The following TUBA3D variants were observed in gnomAD, a reference collection of about 807,000 sequenced individuals.
TUBA3D encodes tubulin alpha 3d.
In TUBA3D, 24 loss-of-function variants were observed where a neutral mutation model predicts 36.1. That is an observed-to-expected ratio of 0.66 (90% CI 0.48 to 0.93). The LOEUF is 0.93. TUBA3D is among the 40% of genes least tolerant of loss of function. The pLI is 0.00. For synonymous variants in TUBA3D, 185 were observed against 247.2 expected (o/e 0.75, Z 2.36); for missense variants, 356 against 614.5 (o/e 0.58, Z 4.45).
At position 131,480,494 on chromosome 2, in the gene TUBA3D, C is replaced by G; in HGVS notation, c.801C>G (p.Phe267Leu). The part of the protein sequence containing the change: ...TNLVPYPRIH[F>L]PLATYAPVIS... ...TAGTGCCGTACCCCCGCATCCACTT[C>G]CCCCTGGCCACCTATGCCCCAGTCA... The change falls in exon 4 of 5, where the codon TTC becomes TTG. Residue 267 changes from phenylalanine (F) to leucine (L), a missense_variant. Phe to Leu is a conservative substitution (Grantham distance 22). This residue lies in a region of TUBA3D where 91 missense variants were observed against 240.9 expected (regional missense o/e 0.38). Coordinates refer to ENST00000321253, the MANE Select transcript of TUBA3D (RefSeq NM_080386.4). 1 of 1,590,766 alleles carries G rather than the reference C, an allele frequency of 6.3e-7. No individual in the cohort carries two copies.
chr2:131,478,621 G>A, intron 2 of TUBA3D: 2 of 712,408 alleles, frequency 2.8e-6, no homozygotes, highest in Non-Finnish European at 4.5e-6. Context: ...GCAGTAAGAT[G>A]GGCTGTGAAG....
chr2:131,477,709 G>C (rs1332915796), intron 1 of TUBA3D, among the ~76,000 whole-genome samples: 1 of 151,146 alleles, frequency 6.6e-6, no homozygotes, highest in African/African-American at 2.5e-5. Context: ...GGGTAGAACT[G>C]GGGGGTAGAG....
chr2:131,479,775 G>A (rs1230696823), intron 3 of TUBA3D, among the ~76,000 whole-genome samples: 1 of 152,108 alleles, frequency 6.6e-6, no homozygotes, highest in Non-Finnish European at 1.5e-5. Context: ...GGAAGGCGGA[G>A]GTTGCAATGA....
At position 131,480,492 on chromosome 2, in the gene TUBA3D, T is replaced by A. The variant is rs140040647; in HGVS notation, c.799T>A (p.Phe267Ile). The A allele has an allele frequency of 1.4e-4, 226 of 1,590,176 alleles. 9 individuals carry two copies. Among genetic ancestry groups the A allele is most frequent in the Non-Finnish European group, 1.4e-4 (169 of 1,172,292 alleles). The change falls in exon 4 of 5, where the codon TTC becomes ATC. Residue 267 changes from phenylalanine (F) to isoleucine (I), a missense_variant. Phe to Ile is a conservative substitution (Grantham distance 21). Coordinates refer to ENST00000321253, the MANE Select transcript of TUBA3D (RefSeq NM_080386.4). ...TNLVPYPRIH[F>I]PLATYAPVIS... ...CCTAGTGCCGTACCCCCGCATCCAC[T>A]TCCCCCTGGCCACCTATGCCCCAGT...
rs756947732 is a variant in TUBA3D at position 131,480,665 on chromosome 2, C to T, written c.972C>T (p.Val324=). Residue 324 remains valine, a synonymous_variant, in exon 4 of 5, where the codon GTC becomes GTT. Transcript: ENST00000321253. ...ACCMLYRGDV[V]PKDVNAAIAT... is the part of the protein sequence containing the mutation. The stretch of plus-strand genomic sequence containing the variant: ...GCATGTTGTACAGGGGGGACGTGGT[C>T]CCCAAAGACGTCAACGCGGCCATCG... 4 of 1,613,846 alleles carry T rather than the reference C, an allele frequency of 2.5e-6. No individual in the cohort carries two copies. In the Admixed American group the frequency reaches 6.7e-5, roughly 27 times the overall value.
chr2:131,477,977 T>G (rs1165005129), intron 1 of TUBA3D, among the ~76,000 whole-genome samples, 187 bp from the exon 2 acceptor site: 1 of 152,192 alleles, frequency 6.6e-6, no homozygotes, highest in Non-Finnish European at 1.5e-5. Context: ...TACTAGCTAG[T>G]ATGGTTTACA....
intron 1 of TUBA3D, among the ~76,000 whole-genome samples, chr2:131,477,708 T>TG (rs918217815): frequency 6.6e-6 from 1 of 150,962 alleles, no homozygotes; most frequent in Admixed American, 6.6e-5. Flanking sequence ...GGGGTAGAAC[T>TG]GGGGGGTAGA....
intron 4 of TUBA3D, 141 bp from the exon 5 acceptor site, chr2:131,482,411 A>G: frequency 7.5e-7 from 1 of 1,333,746 alleles, no homozygotes; most frequent in Non-Finnish European, 1.0e-6. Context: ...CCTGGTGCAG[A>G]GAAGGGCTTA....
Position 131,480,160 on chromosome 2 carries a change from G to T in TUBA3D, c.467G>T (p.Arg156Leu), listed in dbSNP as rs769192454. ...GSGFASLLME[R>L]LSVDYGKKSK... ...GGGTTCGCATCTCTGCTCATGGAGCGGCTCTCAGTGGATTACGGCAAGAAG... is the reference window on the plus strand; with the variant it reads ...GGGTTCGCATCTCTGCTCATGGAGCTGCTCTCAGTGGATTACGGCAAGAAG... Residue 156 changes from arginine (R) to leucine (L), a missense_variant, in exon 4 of 5, where the codon CGG (arginine) becomes CTG (leucine). Physicochemically the swap from Arg to Leu is moderately radical, Grantham distance 102. Around this residue, in one of 3 missense-constraint regions of TUBA3D, gnomAD observed 91 missense variants for 240.9 expected, o/e 0.38. Transcript: ENST00000321253. 2 of 1,613,802 alleles carry T rather than the reference G, an allele frequency of 1.2e-6. No homozygotes were observed. Among genetic ancestry groups the T allele is most frequent in the South Asian group, 2.2e-5 (2 of 91,070 alleles).
chr2:131,476,140 CA>C lies in TUBA3D; in HGVS notation c.-59del. 6.2e-7 allele frequency: 1 copy of C among 1,612,818 alleles called. No homozygotes were observed. The highest frequency in any genetic ancestry group is 8.5e-7 in the Non-Finnish European group (1 of 1,179,700). On this transcript the variant is annotated 5_prime_UTR_variant, in exon 1 of 5. Coordinates refer to ENST00000321253, the MANE Select transcript of TUBA3D (RefSeq NM_080386.4). ...CAGGAGGTTGCAGTTGGGCGCTCAG[CA>C]GCTGTGGCAGCCGGTTGAGGTCTGG...
intron 1 of TUBA3D, among the ~76,000 whole-genome samples, chr2:131,477,341 G>A (rs1331309250): frequency 6.6e-6 from 1 of 152,130 alleles, no homozygotes; most frequent in Non-Finnish European, 1.5e-5. Flanking sequence ...AGCTTGGCAG[G>A]GTTTAAAGAA....
At position 131,480,766 on chromosome 2, in the gene TUBA3D, T is replaced by C. The variant is rs775627567; in HGVS notation, c.1056+17T>C. 1.9e-6 allele frequency: 3 copies of C among 1,602,244 alleles called. No individual in the cohort carries two copies. Among genetic ancestry groups the C allele is most frequent in the Non-Finnish European group, 1.7e-6 (2 of 1,171,374 alleles). On this transcript the variant is annotated intron_variant, in intron 4 of 4. Coordinates refer to ENST00000321253, the MANE Select transcript of TUBA3D (RefSeq NM_080386.4). ...GGATTTAAGGTATGACTGGGTGATG[T>C]GGAGGCCTTTCAGCAAGCAGCAGAT... is the stretch of plus-strand genomic sequence containing the variant.
chr2:131,480,970 C>T (rs1356769247), intron 4 of TUBA3D, among the ~76,000 whole-genome samples: 3 of 151,486 alleles, frequency 2.0e-5, no homozygotes, highest in Non-Finnish European at 4.4e-5. Context: ...GTGGTGCGAT[C>T]TCAGCTAACT....
Position 131,482,641 on chromosome 2 carries a change from G to C in TUBA3D, c.1146G>C (p.Thr382=). 1 of 1,614,200 alleles carries C rather than the reference G, an allele frequency of 6.2e-7. No homozygotes were observed. ...QRAVCMLSNT[T]AIAEAWARLD... is the part of the protein sequence containing the mutation. ...CCGTGTGCATGCTGAGCAACACCAC[G>C]GCCATTGCGGAGGCCTGGGCCCGCC... is the stretch of plus-strand genomic sequence containing the variant. The change falls in exon 5 of 5, where the codon ACG becomes ACC. Residue 382 remains threonine (T), a synonymous_variant. Coordinates refer to ENST00000321253, the MANE Select transcript of TUBA3D (RefSeq NM_080386.4).
rs763711489 is a variant in TUBA3D at position 131,476,151 on chromosome 2, G to C, written c.-49G>C. The C allele has an allele frequency of 1.2e-6, 2 of 1,613,376 alleles. No individual in the cohort carries two copies. The highest frequency in any genetic ancestry group is 2.2e-5 in the South Asian group (2 of 91,032). On this transcript the variant is annotated 5_prime_UTR_variant, in exon 1 of 5. Transcript: ENST00000321253. ...AGTTGGGCGCTCAGCAGCTGTGGCA[G>C]CCGGTTGAGGTCTGGCAGTAGCGTT...
At chr2:131,482,393 T>A (rs1171162169) in intron 4 of TUBA3D, among the ~76,000 whole-genome samples, 159 bp from the exon 5 acceptor site, 1 of 152,224 alleles carries the variant, frequency 6.6e-6, no homozygotes, top group African/African-American at 2.4e-5. Flanking sequence ...TCTGGAACTA[T>A]CACCCTGCCT....
chr2:131,482,522 A>G (rs781046174), intron 4 of TUBA3D, 30 bp from the exon 5 acceptor site: 2 of 1,583,240 alleles, frequency 1.3e-6, no homozygotes, highest in African/African-American at 2.7e-5. Flanking sequence ...TATAAGCTTC[A>G]TGGACTGCTT....
At chr2:131,477,416 G>A (rs1172634714) in intron 1 of TUBA3D, among the ~76,000 whole-genome samples, 1 of 152,174 alleles carries the variant, frequency 6.6e-6, no homozygotes, top group Non-Finnish European at 1.5e-5. Flanking sequence ...AGGCTTCAAG[G>A]GGTAGAGAGA....
At position 131,476,567 on chromosome 2, in the gene TUBA3D, T is replaced by C. The variant is rs1444943787; in HGVS notation, c.3+365T>C. Among the ~76,000 whole-genome samples, 6 of 151,954 alleles carry C rather than the reference T, an allele frequency of 3.9e-5. No individual in the cohort carries two copies. In the East Asian group the frequency reaches 1.2e-3, roughly 29 times the overall value. On this transcript the variant is annotated intron_variant, in intron 1 of 4. Transcript: ENST00000321253. Reference sequence around the variant, plus strand: ...CCCCAGGAGCCTTCGGTGACGGGGGTTGGGGCTGTGGACATTGATCAGATG... The same window carrying C: ...CCCCAGGAGCCTTCGGTGACGGGGGCTGGGGCTGTGGACATTGATCAGATG...
Sources: gnomAD v4.1 joint callset for allele counts (sites outside exome capture counted in the v4.1 genomes callset) on GRCh38, gnomAD v4.1.1 for gene constraint, gnomAD v4.1.1 regional missense constraint, MANE v1.5 for transcripts, NCBI Gene and HGNC (gene_info 2026-07-23, HGNC 2026-07-21) for gene names.